HPSE2: variants seen among roughly 807,000 people sequenced by gnomAD.
HPSE2 encodes the protein inactive heparanase-2.
A neutral mutation model predicts 60.5 loss-of-function variants in HPSE2; 38 were observed. The ratio of observed to expected loss-of-function variants is 0.63; its 90% CI spans 0.48 to 0.82. The LOEUF is 0.82. Among genes scored for constraint, HPSE2 ranks in the 40% least tolerant of loss-of-function variants. The probability of loss-of-function intolerance (pLI) is 0.00; values close to 1 mark genes in which losing one functional copy is unlikely to be tolerated. For synonymous variants in HPSE2, 295 were observed against 293.2 expected (o/e 1.01, Z -0.06); for missense variants, 713 against 740.4 (o/e 0.96, Z 0.43).
chr10:98,614,339 C>T (rs1383227385), intron 9 of HPSE2, among the ~76,000 whole-genome samples: 1 of 148,960 alleles, frequency 6.7e-6, no homozygotes, highest in Non-Finnish European at 1.5e-5. Context: ...GTCGCCCAGG[C>T]TGGAGTGCAG....
the HPSE2 span, among the ~76,000 whole-genome samples, chr10:99,268,724 A>T: frequency 5.3e-5 from 8 of 152,014 alleles, no homozygotes; most frequent in African/African-American, 1.9e-4. Flanking sequence ...AATTAATTAA[A>T]TAAATAATAA....
At chr10:99,087,275 G>C (rs944078221) in intron 3 of HPSE2, among the ~76,000 whole-genome samples, 3 of 152,168 alleles carry the variant, frequency 2.0e-5, no homozygotes, top group Non-Finnish European at 2.9e-5. Context: ...TGTCAGTGTT[G>C]ACATTACCAC....
chr10:99,230,558 T>A (rs1354544107), intron 2 of HPSE2, among the ~76,000 whole-genome samples: 1 of 152,164 alleles, frequency 6.6e-6, no homozygotes, highest in Admixed American at 6.5e-5. Flanking sequence ...TATATAGTTT[T>A]ACAGGGCACT....
At chr10:98,942,340 G>A (rs571425297) in intron 3 of HPSE2, among the ~76,000 whole-genome samples, 5 of 143,854 alleles carry the variant, frequency 3.5e-5, no homozygotes, top group Non-Finnish European at 7.4e-5. Context: ...ATCTGACAAA[G>A]GGCTAATATC....
intron 3 of HPSE2, among the ~76,000 whole-genome samples, chr10:99,100,642 C>T (rs1056024310): frequency 2.0e-5 from 3 of 152,054 alleles, no homozygotes; most frequent in African/African-American, 7.2e-5. Flanking sequence ...ATACAGATAA[C>T]GCCACAAAGA....
intron 9 of HPSE2, among the ~76,000 whole-genome samples, chr10:98,523,312 AC>A (rs1427408158): frequency 1.3e-5 from 2 of 152,256 alleles, no homozygotes; most frequent in Non-Finnish European, 2.9e-5. Context: ...AATATTGGAA[AC>A]AAATCATTAC....
chr10:98,692,659 C>T (rs761388269), intron 6 of HPSE2, among the ~76,000 whole-genome samples: 2 of 152,088 alleles, frequency 1.3e-5, no homozygotes, highest in Non-Finnish European at 2.9e-5. Context: ...GTCCCAGCTA[C>T]TCGGGAGGCT....
chr10:99,026,894 G>A (rs1392128760), intron 3 of HPSE2, among the ~76,000 whole-genome samples: 1 of 151,922 alleles, frequency 6.6e-6, no homozygotes, highest in South Asian at 2.1e-4. Flanking sequence ...AAGAAATTAA[G>A]AATAAAATTT....
rs1843104721 is a variant in HPSE2, at chr10:99,080,719, T to C, written c.610+63519A>G. Among the ~76,000 whole-genome samples, 4 of 152,232 alleles carry C rather than the reference T, an allele frequency of 2.6e-5. No individual in the cohort carries two copies. The South Asian group carries it at 8.3e-4, about 32-fold the overall frequency. On this transcript the variant is annotated intron_variant, in intron 3 of 11. Coordinates refer to ENST00000370552, the MANE Select transcript of HPSE2 (RefSeq NM_021828.5). ...AAGAAGACTGAGTCAGAAGCCATCA[T>C]TCAAGTGGCAGATGGGTTAAAGATG...
intron 9 of HPSE2, among the ~76,000 whole-genome samples, chr10:98,519,432 C>T (rs1180403136): frequency 2.0e-5 from 3 of 152,216 alleles, no homozygotes; most frequent in Non-Finnish European, 4.4e-5. Flanking sequence ...TCAGCAAGCC[C>T]TTTTTCTCCC....
intron 3 of HPSE2, among the ~76,000 whole-genome samples, chr10:98,774,109 G>A (rs1248013205): frequency 6.6e-6 from 1 of 151,780 alleles, no homozygotes; most frequent in East Asian, 1.9e-4. Context: ...ATCAACTTTT[G>A]GATAAATATA....
chr10:98,600,911 G>GTATATATGTGTGTGTGTA (rs576143051), intron 9 of HPSE2, among the ~76,000 whole-genome samples: 19,229 of 72,376 alleles, frequency 0.27, 1,899 homozygotes, highest in Non-Finnish European at 0.42. Flanking sequence ...ATGTGTGTGT[G>GTATATATGTGTGTGTGTA]TATATATATA....
At chr10:98,941,175 G>C (rs1303899121) in intron 3 of HPSE2, among the ~76,000 whole-genome samples, 1 of 138,922 alleles carries the variant, frequency 7.2e-6, no homozygotes, top group Non-Finnish European at 1.5e-5. Context: ...ACTGGCACAA[G>C]ACAGGGATGC....
chr10:99,213,857 A>G (rs1255732964), intron 2 of HPSE2, among the ~76,000 whole-genome samples: 1 of 152,230 alleles, frequency 6.6e-6, no homozygotes, highest in Admixed American at 6.5e-5. Flanking sequence ...AAATTAAATG[A>G]GATAATTACC....
intron 6 of HPSE2, among the ~76,000 whole-genome samples, chr10:98,652,296 A>AACATAGTG (rs1946938160): frequency 6.6e-6 from 1 of 152,150 alleles, no homozygotes; most frequent in Non-Finnish European, 1.5e-5. Flanking sequence ...AGGAAACACC[A>AACATAGTG]ACATAGTGCA....
chr10:98,605,945 A>G (rs1001126739), intron 9 of HPSE2, among the ~76,000 whole-genome samples: 1 of 152,222 alleles, frequency 6.6e-6, no homozygotes, highest in Admixed American at 6.5e-5. Flanking sequence ...CTGCCTCTTC[A>G]GTGAAGACCT....
intron 3 of HPSE2, among the ~76,000 whole-genome samples, chr10:98,895,948 G>C (rs1953477901): frequency 9.8e-6 from 1 of 101,526 alleles, no homozygotes; most frequent in African/African-American, 3.8e-5. Flanking sequence ...GGTGGGGGGA[G>C]GGGGGAGGGA....
intron 7 of HPSE2, among the ~76,000 whole-genome samples, chr10:98,630,082 C>G (rs1165294170): frequency 2.0e-5 from 3 of 152,132 alleles, no homozygotes; most frequent in Non-Finnish European, 4.4e-5. Flanking sequence ...CTTTCACAAC[C>G]ATCCCTTAGC....
chr10:99,081,716 A>T (rs1262279366), intron 3 of HPSE2, among the ~76,000 whole-genome samples: 2 of 151,756 alleles, frequency 1.3e-5, no homozygotes, highest in African/African-American at 2.4e-5. Flanking sequence ...GGCTCACTGC[A>T]ACCTCCGCCT....
Sources: gnomAD v4.1 joint callset for allele counts (sites outside exome capture counted in the v4.1 genomes callset) on GRCh38, gnomAD v4.1.1 for gene constraint, MANE v1.5 for transcripts, NCBI Gene and HGNC (gene_info 2026-07-23, HGNC 2026-07-21) for gene names.